The following FMNL2 variants were observed in gnomAD, a reference collection of about 807,000 sequenced individuals.
The protein encoded by FMNL2 is formin like 2, also known as formin-like protein 2.
In FMNL2, 51 loss-of-function variants were observed where a neutral mutation model predicts 130.2. The ratio of observed to expected loss-of-function variants is 0.39; its 90% CI spans 0.31 to 0.49. The LOEUF is 0.49. FMNL2 is among the 20% of genes least tolerant of loss of function. The pLI is 0.85. For synonymous variants in FMNL2, 465 were observed against 467.1 expected (o/e 1.00, Z 0.06); for missense variants, 977 against 1,316.2 (o/e 0.74, Z 3.99).
At chr2:152,530,453 T>A (rs980596265) in intron 2 of FMNL2, among the ~76,000 whole-genome samples, 8 of 152,154 alleles carry the variant, frequency 5.3e-5, no homozygotes, top group African/African-American at 1.7e-4. Context: ...GATGCCTGAT[T>A]CTGAAAAATT....
chr2:152,430,432 G>A (rs1687433622), intron 1 of FMNL2, among the ~76,000 whole-genome samples: 1 of 152,218 alleles, frequency 6.6e-6, no homozygotes, highest in Non-Finnish European at 1.5e-5. Context: ...AATTGGAGAT[G>A]AGTGAAATAT....
At chr2:152,607,043 G>T (rs1698411664) in intron 9 of FMNL2, among the ~76,000 whole-genome samples, 3 of 129,626 alleles carry the variant, frequency 2.3e-5, no homozygotes, top group South Asian at 5.5e-4. Context: ...TGCATTCTTG[G>T]ATTCCAAATG....
chr2:152,610,087 C>T (rs546440183), intron 10 of FMNL2, among the ~76,000 whole-genome samples: 14 of 152,068 alleles, frequency 9.2e-5, no homozygotes, highest in Non-Finnish European at 1.8e-4. Flanking sequence ...AATGCAAACT[C>T]GTTGATTATA....
chr2:152,372,273 G>A (rs1230120096), intron 1 of FMNL2, among the ~76,000 whole-genome samples: 1 of 152,144 alleles, frequency 6.6e-6, no homozygotes, highest in Non-Finnish European at 1.5e-5. Context: ...TATAGTTAGA[G>A]GTCCATCTAA....
At chr2:152,507,042 A>G (rs187318659) in intron 1 of FMNL2, among the ~76,000 whole-genome samples, 1 of 152,352 alleles carries the variant, frequency 6.6e-6, no homozygotes, top group African/African-American at 2.4e-5. Flanking sequence ...TGTTATGGAA[A>G]GGAAATGTTG....
chr2:152,574,479 T>G (rs4664116), intron 6 of FMNL2, among the ~76,000 whole-genome samples: 116,592 of 149,602 alleles, frequency 0.78, 45,821 homozygotes, highest in African/African-American at 0.86. Flanking sequence ...GTGTAAGGTT[T>G]GTCTACTTGC....
intron 1 of FMNL2, among the ~76,000 whole-genome samples, chr2:152,354,571 C>T (rs1682684401): frequency 6.6e-6 from 1 of 152,086 alleles, no homozygotes; most frequent in African/African-American, 2.4e-5. Flanking sequence ...CTGAGTCAGA[C>T]AGAGCTAAGC....
intron 1 of FMNL2, among the ~76,000 whole-genome samples, chr2:152,514,749 G>T (rs565925467): frequency 6.6e-6 from 1 of 152,284 alleles, no homozygotes; most frequent in African/African-American, 2.4e-5. Context: ...AAGTTTATGT[G>T]AATGTGTTCT....
intron 6 of FMNL2, among the ~76,000 whole-genome samples, chr2:152,564,788 T>TTTTTC (rs1040203877): frequency 1.3e-5 from 2 of 148,662 alleles, no homozygotes; most frequent in African/African-American, 5.0e-5. Context: ...TTTTTTTTTT[T>TTTTTC]TTTTTTTTTT....
chr2:152,447,856 G>C (rs1022283721), intron 1 of FMNL2, among the ~76,000 whole-genome samples: 5 of 151,978 alleles, frequency 3.3e-5, no homozygotes, highest in African/African-American at 1.2e-4. Flanking sequence ...CTTTTTGTTT[G>C]CCAGTTACAT....
chr2:152,367,275 C>A (rs1225750091), intron 1 of FMNL2, among the ~76,000 whole-genome samples: 2 of 152,014 alleles, frequency 1.3e-5, no homozygotes, highest in Non-Finnish European at 2.9e-5. Flanking sequence ...GGGGTTTCAC[C>A]ATGTTGACCA....
At chr2:152,589,849 C>T (rs1049182029) in intron 9 of FMNL2, among the ~76,000 whole-genome samples, 12 of 150,300 alleles carry the variant, frequency 8.0e-5, no homozygotes, top group Non-Finnish European at 1.5e-4. Context: ...TACTCCCTCA[C>T]TCCTGGACCT....
chr2:152,530,651 A>C (rs1376463601), intron 2 of FMNL2, among the ~76,000 whole-genome samples: 1 of 152,214 alleles, frequency 6.6e-6, no homozygotes, highest in Admixed American at 6.5e-5. Flanking sequence ...CTTAAAAGTA[A>C]ACTGTAAAAG....
intron 1 of FMNL2, among the ~76,000 whole-genome samples, chr2:152,414,218 G>A (rs150316405): frequency 1.3e-5 from 2 of 152,210 alleles, no homozygotes; most frequent in African/African-American, 4.8e-5. Context: ...TTATCCTACA[G>A]ATTATAGGAT....
intron 2 of FMNL2, among the ~76,000 whole-genome samples, chr2:152,529,331 A>G (rs781481251): frequency 5.9e-5 from 9 of 152,160 alleles, no homozygotes; most frequent in Non-Finnish European, 1.2e-4. Flanking sequence ...GTACCAGACA[A>G]GAATTGGCTG....
intron 1 of FMNL2, among the ~76,000 whole-genome samples, chr2:152,370,246 A>T (rs1037211329): frequency 6.6e-6 from 1 of 152,160 alleles, no homozygotes; most frequent in Non-Finnish European, 1.5e-5. Flanking sequence ...TGAGTGGCTT[A>T]TTCTGGGTTG....
Position 152,583,238 on chromosome 2 carries a change from T to C in FMNL2, c.876+2189T>C, listed in dbSNP as rs148300663. ...TTCTGTAATTAATCAGGAGTGATGGTAGGTCTTCAGGTACTGTCCTTGGCA... is the reference window on the plus strand; with the variant it reads ...TTCTGTAATTAATCAGGAGTGATGGCAGGTCTTCAGGTACTGTCCTTGGCA... On this transcript the variant is annotated intron_variant, in intron 9 of 25. Transcript: ENST00000288670. 1.4e-4 allele frequency among the ~76,000 whole-genome samples: 21 copies of C among 152,306 alleles called. 1 individual carries two copies. The highest frequency in any genetic ancestry group is 4.3e-4 in the African/African-American group (18 of 41,564).
intron 1 of FMNL2, among the ~76,000 whole-genome samples, chr2:152,469,642 C>A (rs1386854540): frequency 6.6e-6 from 1 of 152,154 alleles, no homozygotes; most frequent in South Asian, 2.1e-4. Flanking sequence ...CCTTATGCTC[C>A]GCTTGGAGAG....
intron 9 of FMNL2, among the ~76,000 whole-genome samples, chr2:152,593,407 T>C (rs1356365687): frequency 1.3e-5 from 2 of 152,224 alleles, no homozygotes; most frequent in East Asian, 3.8e-4. Context: ...GCCTTTTATG[T>C]AATTTGGATA....
Sources: gnomAD v4.1 joint callset for allele counts (sites outside exome capture counted in the v4.1 genomes callset) on GRCh38, gnomAD v4.1.1 for gene constraint, MANE v1.5 for transcripts, NCBI Gene and HGNC (gene_info 2026-07-23, HGNC 2026-07-21) for gene names.